Variants in NAA35 observed in about 807,000 individuals in gnomAD.
NAA35 encodes the protein MAK10 homolog, amino-acid N-acetyltransferase subunit.
A neutral mutation model predicts 101.7 loss-of-function variants in NAA35; 18 were observed. That is an observed-to-expected ratio of 0.18 (90% CI 0.12 to 0.26). The LOEUF is 0.26. Ranked by LOEUF, NAA35 falls within the 10% of genes least tolerant of loss-of-function variation. The pLI is 1.00. For synonymous variants in NAA35, 267 were observed against 273.1 expected, an observed-to-expected ratio of 0.98 and a Z score of 0.22; for missense variants, 601 against 886.8, an observed-to-expected ratio of 0.68 and a Z score of 4.09.
At position 86,022,782 on chromosome 9, in the gene NAA35, G is replaced by A. The variant is rs544441051; in HGVS notation, c.*822G>A. Among the ~76,000 whole-genome samples the A allele has an allele frequency of 3.9e-4, 59 of 152,244 alleles. No individual in the cohort carries two copies. The highest frequency in any genetic ancestry group is 1.3e-3 in the African/African-American group (55 of 41,556). On this transcript the variant is annotated 3_prime_UTR_variant, in exon 23 of 23. Transcript: ENST00000361671. Reference sequence around the variant, plus strand: ...AAACTGACTACATCCCCCTGTGCTTGCAAGTGCCTGCTGCCAGAGGCCCTC... The same window carrying A: ...AAACTGACTACATCCCCCTGTGCTTACAAGTGCCTGCTGCCAGAGGCCCTC...
At chr9:85,963,263 C>CTTTTTTTTTT (rs527736196) in intron 6 of NAA35, among the ~76,000 whole-genome samples, 3 of 72,296 alleles carry the variant, frequency 4.1e-5, no homozygotes, top group Admixed American at 1.8e-4. Context: ...GAAGGTATGG[C>CTTTTTTTTTT]TTTTTTTTTT....
chr9:85,985,804 TG>T (rs376961299), intron 11 of NAA35, among the ~76,000 whole-genome samples: 2 of 151,340 alleles, frequency 1.3e-5, no homozygotes, highest in South Asian at 2.2e-4. Flanking sequence ...GATTTCAGAC[TG>T]GGGGGAAATG....
chr9:85,948,499 T>C (rs1828862921), intron 2 of NAA35, among the ~76,000 whole-genome samples: 1 of 152,214 alleles, frequency 6.6e-6, no homozygotes, highest in Non-Finnish European at 1.5e-5. Context: ...TGAGATCTTC[T>C]TTCTTCATCA....
At chr9:85,987,780 G>A (rs1206943544) in intron 11 of NAA35, among the ~76,000 whole-genome samples, 1 of 152,184 alleles carries the variant, frequency 6.6e-6, no homozygotes, top group Non-Finnish European at 1.5e-5. Context: ...AGGAGAGGGA[G>A]AACATTGAGA....
At chr9:85,947,557 A>G (rs1828824666) in intron 2 of NAA35, among the ~76,000 whole-genome samples, 3 of 152,162 alleles carry the variant, frequency 2.0e-5, no homozygotes, top group Admixed American at 2.0e-4. Flanking sequence ...GGATCACTTT[A>G]GATTAGTGGT....
chr9:85,961,998 T>C lies in NAA35; in HGVS notation c.349-15T>C. On this transcript the variant is annotated splice_polypyrimidine_tract_variant and intron_variant, in intron 5 of 22. Coordinates refer to ENST00000361671, the MANE Select transcript of NAA35 (RefSeq NM_024635.4). ...GTTTATCACCTTAAATATATACTCT[T>C]TTGTTTCTTTATAGATAACGTGGTT... The C allele has an allele frequency of 1.3e-6, 2 of 1,591,256 alleles. No homozygotes were observed. Among genetic ancestry groups the C allele is most frequent in the African/African-American group, 1.4e-5 (1 of 73,704 alleles).
At chr9:86,013,634 C>G in intron 16 of NAA35, 85 bp from the exon 17 acceptor site, 1 of 1,288,158 alleles carries the variant, frequency 7.8e-7, no homozygotes. Context: ...TGCTCATATT[C>G]TTTTTAGCTG....
rs1016649362 is a variant in NAA35 at position 86,018,513 on chromosome 9, T to C, written c.1914+118T>C. 7 of 1,341,172 alleles carry C rather than the reference T, an allele frequency of 5.2e-6. No individual in the cohort carries two copies. The African/African-American group carries it at 5.9e-5, about 11-fold the overall frequency. 83.1% of individuals were successfully genotyped at this position (1,341,172 alleles called of 1,614,324 possible). The stretch of plus-strand genomic sequence containing the variant: ...AGTTATTTAAATCATAAGAATAATA[T>C]GAGGTAGCATATGAGGGTTGAGAAT... On this transcript the variant is annotated intron_variant, in intron 20 of 22. Transcript: ENST00000361671.
rs368801551 is a variant in NAA35, at chr9:86,012,172, T to G, written c.1291-874T>G. ...TCTCACTCTGTTGCCCAGGCTGGAGTGCAGTGGTGCGATCTCAGCTTACTG... is the reference window on the plus strand; with the variant it reads ...TCTCACTCTGTTGCCCAGGCTGGAGGGCAGTGGTGCGATCTCAGCTTACTG... On this transcript the variant is annotated intron_variant, in intron 15 of 22. Coordinates refer to ENST00000361671, the MANE Select transcript of NAA35 (RefSeq NM_024635.4). Among the ~76,000 whole-genome samples, 245 of 150,992 alleles carry G rather than the reference T, an allele frequency of 1.6e-3. 1 individual carries two copies. The highest frequency in any genetic ancestry group is 3.8e-3 in the African/African-American group (156 of 41,102).
chr9:86,007,769 G>A (rs961390202), intron 14 of NAA35, among the ~76,000 whole-genome samples: 1 of 152,126 alleles, frequency 6.6e-6, no homozygotes, highest in Admixed American at 6.5e-5. Context: ...AGGATTGCAT[G>A]CAGAAAGAAT....
intron 11 of NAA35, among the ~76,000 whole-genome samples, chr9:85,985,401 T>C (rs1366184322): frequency 2.0e-5 from 3 of 152,210 alleles, no homozygotes; most frequent in Non-Finnish European, 2.9e-5. Context: ...GGTATATCCA[T>C]GTAGTGGTGT....
intron 2 of NAA35, among the ~76,000 whole-genome samples, chr9:85,955,854 A>G (rs1440843119): frequency 6.6e-6 from 1 of 152,180 alleles, no homozygotes; most frequent in Admixed American, 6.5e-5. Context: ...AAGGTTGAGG[A>G]CCACTGCTTT....
chr9:85,976,277 G>A (rs1830208251), intron 8 of NAA35, among the ~76,000 whole-genome samples: 1 of 152,108 alleles, frequency 6.6e-6, no homozygotes, highest in African/African-American at 2.4e-5. Flanking sequence ...AAAATGGATC[G>A]GTATTGACCA....
At chr9:85,996,340 T>G (rs546256971) in intron 11 of NAA35, 59 bp from the exon 12 acceptor site, 6 of 1,136,204 alleles carry the variant, frequency 5.3e-6, no homozygotes, top group African/African-American at 1.6e-5. Context: ...TTAATAACAT[T>G]TGCAGTTTAA....
intron 2 of NAA35, among the ~76,000 whole-genome samples, chr9:85,956,111 T>C (rs1417313290): frequency 1.3e-5 from 2 of 152,210 alleles, no homozygotes; most frequent in South Asian, 2.1e-4. Context: ...TGGCCTGCGA[T>C]GGGTCACTTA....
At chr9:85,994,838 G>C (rs1409113689) in intron 11 of NAA35, among the ~76,000 whole-genome samples, 1 of 152,140 alleles carries the variant, frequency 6.6e-6, no homozygotes, top group Non-Finnish European at 1.5e-5. Context: ...GGAGACTATA[G>C]TTAATATTTT....
rs1832654258 is a variant in NAA35 at position 86,023,451 on chromosome 9, A to T, written c.*1491A>T. Among the ~76,000 whole-genome samples the T allele has an allele frequency of 6.6e-6, 1 of 152,250 alleles. No individual in the cohort carries two copies. Among genetic ancestry groups the T allele is most frequent in the African/African-American group, 2.4e-5 (1 of 41,464 alleles). Reference sequence around the variant, plus strand: ...AGAATCAAAAGAAAAAGCAAAGAGGAAAACAGAATGAGCATGGACATTTGG... The same window carrying T: ...AGAATCAAAAGAAAAAGCAAAGAGGTAAACAGAATGAGCATGGACATTTGG... On this transcript the variant is annotated 3_prime_UTR_variant, in exon 23 of 23. Transcript: ENST00000361671.
intron 6 of NAA35, among the ~76,000 whole-genome samples, chr9:85,969,940 C>T (rs904857982): frequency 6.6e-6 from 1 of 151,824 alleles, no homozygotes; most frequent in Admixed American, 6.6e-5. Flanking sequence ...TCAGGCTTTA[C>T]ACCTTTCACT....
At chr9:85,972,638 C>T (rs916356071) in intron 6 of NAA35, among the ~76,000 whole-genome samples, 2 of 151,342 alleles carry the variant, frequency 1.3e-5, no homozygotes, top group African/African-American at 4.9e-5. Flanking sequence ...ATAGCCACAA[C>T]AGGATAAGTA....
Sources: gnomAD v4.1 joint callset for allele counts (sites outside exome capture counted in the v4.1 genomes callset) on GRCh38, gnomAD v4.1.1 for gene constraint, MANE v1.5 for transcripts, NCBI Gene and HGNC (gene_info 2026-07-23, HGNC 2026-07-21) for gene names.